Variants in ADAM29 observed in about 807,000 individuals in gnomAD.
The protein encoded by ADAM29 is disintegrin and metalloproteinase domain-containing protein 29.
For synonymous variants in ADAM29, 367 were observed against 342.3 expected (o/e 1.07, Z -0.80); for missense variants, 969 against 1,001.8 (o/e 0.97, Z 0.44).
At chr4:174,939,056 A>T (rs4525948) in intron 4 of ADAM29, among the ~76,000 whole-genome samples, 1 of 151,994 alleles carries the variant, frequency 6.6e-6, no homozygotes, top group Non-Finnish European at 1.5e-5. Context: ...TAGGGCACAC[A>T]ATAATCCAGG....
chr4:174,957,657 A>G (rs1219396581), intron 4 of ADAM29, among the ~76,000 whole-genome samples: 1 of 151,756 alleles, frequency 6.6e-6, no homozygotes, highest in African/African-American at 2.4e-5. Context: ...CAGCCAATTA[A>G]TATTTTTAAT....
intron 2 of ADAM29, among the ~76,000 whole-genome samples, chr4:174,927,789 G>C (rs1242327718): frequency 6.6e-6 from 1 of 152,148 alleles, no homozygotes; most frequent in Non-Finnish European, 1.5e-5. Flanking sequence ...CTGGATGTGG[G>C]AGTGGGGTTT....
intron 4 of ADAM29, among the ~76,000 whole-genome samples, chr4:174,956,467 T>C (rs1459858312): frequency 6.6e-6 from 1 of 150,950 alleles, no homozygotes; most frequent in Non-Finnish European, 1.5e-5. Flanking sequence ...ATTCCTGTTT[T>C]AAAAAAAGGT....
intron 2 of ADAM29, among the ~76,000 whole-genome samples, chr4:174,922,939 A>G (rs1578999498): frequency 6.6e-6 from 1 of 152,158 alleles, no homozygotes; most frequent in African/African-American, 2.4e-5. Flanking sequence ...AACATGTTAC[A>G]CATCAACCCA....
chr4:174,946,802 A>T (rs915799619), intron 4 of ADAM29, among the ~76,000 whole-genome samples: 2 of 152,070 alleles, frequency 1.3e-5, no homozygotes, highest in East Asian at 3.9e-4. Flanking sequence ...TTTTTGGAAT[A>T]GTTTCATTAG....
At chr4:174,936,356 T>C (rs1744201253) in intron 3 of ADAM29, among the ~76,000 whole-genome samples, 1 of 151,986 alleles carries the variant, frequency 6.6e-6, no homozygotes, top group Non-Finnish European at 1.5e-5. Flanking sequence ...TATTATTAAT[T>C]TATCTTAATT....
chr4:174,925,114 G>A (rs1743427117), intron 2 of ADAM29, among the ~76,000 whole-genome samples: 1 of 152,104 alleles, frequency 6.6e-6, no homozygotes, highest in African/African-American at 2.4e-5. Context: ...TTAAAAACAA[G>A]GAAAGGGCAA....
chr4:174,952,165 C>T (rs752299419), intron 4 of ADAM29, among the ~76,000 whole-genome samples: 8 of 151,798 alleles, frequency 5.3e-5, no homozygotes, highest in Non-Finnish European at 1.2e-4. Flanking sequence ...AAAAAGAAAA[C>T]AACCTTATTG....
intron 4 of ADAM29, among the ~76,000 whole-genome samples, chr4:174,972,004 C>A (rs1370040625): frequency 6.6e-6 from 1 of 152,122 alleles, no homozygotes; most frequent in Non-Finnish European, 1.5e-5. Context: ...TAATTTAATT[C>A]AGTTATTGCG....
At chr4:174,952,643 G>A (rs1437321820) in intron 4 of ADAM29, among the ~76,000 whole-genome samples, 1 of 152,138 alleles carries the variant, frequency 6.6e-6, no homozygotes, top group Non-Finnish European at 1.5e-5. Context: ...AAAAAAGTGG[G>A]AGATGAGATG....
chr4:174,968,577 T>G (rs2111090970), intron 4 of ADAM29, among the ~76,000 whole-genome samples: 1 of 152,330 alleles, frequency 6.6e-6, no homozygotes, highest in South Asian at 2.1e-4. Context: ...CTTCTCTGGG[T>G]GGCAATTATC....
rs114863270 is a variant in ADAM29 at position 174,925,469 on chromosome 4, C to G, written c.-451+4677C>G. Among the ~76,000 whole-genome samples the G allele has an allele frequency of 6.4e-3, 968 of 152,106 alleles. 6 individuals are homozygous for G. The highest frequency in any genetic ancestry group is 0.027 in the Middle Eastern group (8 of 294). ...TGCCTCTTGTCATATAGCCATGCCT[C>G]CATGGCTAAGACATATAGGAGTAAT... On this transcript the variant is annotated intron_variant, in intron 2 of 4. Transcript: ENST00000359240.
chr4:174,936,350 ATTAAT>A (rs942577153), intron 3 of ADAM29, among the ~76,000 whole-genome samples: 5 of 152,018 alleles, frequency 3.3e-5, no homozygotes, highest in African/African-American at 9.7e-5. Context: ...AGTTATTATT[ATTAAT>A]TTATCTTAAT....
intron 2 of ADAM29, among the ~76,000 whole-genome samples, chr4:174,924,753 A>C (rs149925471): frequency 6.6e-6 from 1 of 152,334 alleles, no homozygotes; most frequent in African/African-American, 2.4e-5. Context: ...AGATTTTAGA[A>C]AGGCAGTAAA....
chr4:174,947,209 T>G (rs947109744), intron 4 of ADAM29, among the ~76,000 whole-genome samples: 2 of 152,122 alleles, frequency 1.3e-5, no homozygotes, highest in Non-Finnish European at 2.9e-5. Context: ...CTGCTGGATT[T>G]GTTGATCTTT....
At chr4:174,949,713 A>C (rs1190098970) in intron 4 of ADAM29, among the ~76,000 whole-genome samples, 2 of 152,014 alleles carry the variant, frequency 1.3e-5, no homozygotes, top group Non-Finnish European at 2.9e-5. Flanking sequence ...GGCTGCAGCT[A>C]GTCAGCCATC....
Position 174,977,756 on chromosome 4 carries a change from C to T in ADAM29, c.2231C>T (p.Pro744Leu), listed in dbSNP as rs1746949509. 1 of 1,603,256 alleles carries T rather than the reference C, an allele frequency of 6.2e-7. No individual in the cohort carries two copies. Among genetic ancestry groups the T allele is most frequent in the African/African-American group, 1.3e-5 (1 of 74,692 alleles). ...GTGATGCCTTCCCAGAGTCAACCTCCTGTGACGCCTTCCCAGAGTCATCCT... is the reference window on the plus strand; with the variant it reads ...GTGATGCCTTCCCAGAGTCAACCTCTTGTGACGCCTTCCCAGAGTCATCCT... ...PWVMPSQSQP[P>L]VTPSQSHPQV... The change falls in exon 5 of 5, where the codon CCT (proline) becomes CTT (leucine). Residue 744 changes from proline to leucine, a missense_variant. Transcript: ENST00000359240.
chr4:174,938,836 G>A (rs983880547), intron 4 of ADAM29, among the ~76,000 whole-genome samples: 7 of 152,048 alleles, frequency 4.6e-5, no homozygotes, highest in Non-Finnish European at 1.0e-4. Context: ...TCCAGGTGTC[G>A]GCAGGGAAAA....
intron 2 of ADAM29, among the ~76,000 whole-genome samples, chr4:174,929,976 T>A (rs1320284675): frequency 6.6e-6 from 1 of 152,140 alleles, no homozygotes; most frequent in African/African-American, 2.4e-5. Context: ...TCGCCCAGGC[T>A]GGAGTGCAGT....
Sources: gnomAD v4.1 joint callset for allele counts (sites outside exome capture counted in the v4.1 genomes callset) on GRCh38, gnomAD v4.1.1 for gene constraint, MANE v1.5 for transcripts, NCBI Gene and HGNC (gene_info 2026-07-23, HGNC 2026-07-21) for gene names.